Variants in PCSK6 observed in about 807,000 individuals in gnomAD.
The protein encoded by PCSK6 is paired basic amino acid cleaving enzyme 4.
A neutral mutation model predicts 123.3 loss-of-function variants in PCSK6; 85 were observed. The ratio of observed to expected loss-of-function variants is 0.69; its 90% CI spans 0.58 to 0.83. The LOEUF (loss-of-function observed/expected upper bound fraction) is 0.83, where lower values mean the gene tolerates loss of function less well. Ranked by LOEUF, PCSK6 falls within the 40% of genes least tolerant of loss-of-function variation. The pLI, the probability that PCSK6 is intolerant of heterozygous loss-of-function variation, is 0.00. For missense variants in PCSK6, 1,191 were observed against 1,282.3 expected (o/e 0.93, Z 1.09); for synonymous variants, 508 against 516.0 (o/e 0.98, Z 0.21).
chr15:101,444,467 T>C lies in PCSK6; in HGVS notation c.298-807A>G, dbSNP rs137982886. Among the ~76,000 whole-genome samples the C allele has an allele frequency of 2.9e-3, 448 of 152,338 alleles. 5 individuals carry two copies. In the East Asian group the frequency reaches 0.03, roughly 10 times the overall value. The stretch of plus-strand genomic sequence containing the variant: ...TAAAATCAAGATGGACTGGATATCA[T>C]ACAGACCCTCAGGTTGATCTTCTCA... On this transcript the variant is annotated intron_variant, in intron 1 of 21. Coordinates refer to ENST00000611716, the MANE Select transcript of PCSK6 (RefSeq NM_002570.5).
intron 6 of PCSK6, among the ~76,000 whole-genome samples, chr15:101,415,303 A>G (rs1428908112): frequency 1.3e-5 from 2 of 152,248 alleles, no homozygotes; most frequent in Non-Finnish European, 2.9e-5. Context: ...TGGCTGAAGC[A>G]GCCAGGTCTG....
At chr15:101,454,422 C>T (rs1003636248) in intron 1 of PCSK6, among the ~76,000 whole-genome samples, 11 of 152,038 alleles carry the variant, frequency 7.2e-5, no homozygotes, top group African/African-American at 2.4e-4. Context: ...CAGGGACACA[C>T]GATGGAATAT....
Position 101,313,593 on chromosome 15 carries a change from G to C in PCSK6, c.2570-88C>G. On this transcript the variant is annotated intron_variant, in intron 19 of 21. Transcript: ENST00000611716. ...CTGCTTCAGGGCCTTGTGAGATCAG[G>C]GGTACCATTCAGGAGCCCCCAGGCC... The C allele has an allele frequency of 2.0e-6, 3 of 1,512,874 alleles. No individual in the cohort carries two copies. The South Asian group carries it at 3.9e-5, about 20-fold the overall frequency. The allele number at this position is 1,512,874 out of a possible 1,614,324, so 93.7% of individuals were successfully genotyped here. A position where few individuals can be genotyped will look rare whatever the true frequency, so the allele number is the denominator to read the frequency against.
intron 18 of PCSK6, among the ~76,000 whole-genome samples, chr15:101,319,666 G>A (rs928134960): frequency 6.6e-6 from 1 of 152,114 alleles, no homozygotes; most frequent in Non-Finnish European, 1.5e-5. Context: ...AATCAATCAT[G>A]GCTATGTAAC....
Position 101,340,799 on chromosome 15 carries a change from T to C in PCSK6, c.1859-8768A>G, listed in dbSNP as rs1305164374. Among the ~76,000 whole-genome samples the C allele has an allele frequency of 2.6e-5, 4 of 151,984 alleles. No homozygotes were observed. The East Asian group carries it at 5.8e-4, about 22-fold the overall frequency. On this transcript the variant is annotated intron_variant, in intron 13 of 21. Transcript: ENST00000611716. Reference sequence around the variant, plus strand: ...CCTCCCAATGTTCTAACAAAATTTCTTACTGGGTCCAATATTTATTGTCTT... The same window carrying C: ...CCTCCCAATGTTCTAACAAAATTTCCTACTGGGTCCAATATTTATTGTCTT...
chr15:101,427,943 C>A lies in PCSK6; in HGVS notation c.772G>T (p.Ala258Ser). The change falls in exon 6 of 22, where the codon GCA becomes TCA. Residue 258 changes from alanine (A) to serine (S), a missense_variant. By Grantham distance (99) the Ala-to-Ser change is moderately conservative. This residue lies in a region of PCSK6 where 357 missense variants were observed against 484.5 expected (regional missense o/e 0.74). Coordinates refer to ENST00000611716, the MANE Select transcript of PCSK6 (RefSeq NM_002570.5). ...TRCAGEVAAS[A>S]NNSYCIVGIA... is the part of the protein sequence containing the mutation. ...CCCACGATGCAGTAGGAATTGTTTGCTGAAGCAGCAACTTCTCCCGCACAA... is the reference window on the plus strand; with the variant it reads ...CCCACGATGCAGTAGGAATTGTTTGATGAAGCAGCAACTTCTCCCGCACAA... 1 of 1,588,494 alleles carries A rather than the reference C, an allele frequency of 6.3e-7. No individual in the cohort carries two copies. Among genetic ancestry groups the A allele is most frequent in the East Asian group, 2.3e-5 (1 of 43,860 alleles).
At chr15:101,387,430 G>A (rs889836284) in intron 9 of PCSK6, among the ~76,000 whole-genome samples, 3 of 152,250 alleles carry the variant, frequency 2.0e-5, no homozygotes, top group African/African-American at 7.2e-5. Context: ...TAGGTGCCGG[G>A]ATGACCTTTG....
intron 12 of PCSK6, among the ~76,000 whole-genome samples, chr15:101,369,845 G>A (rs1009004627): frequency 4.1e-4 from 63 of 152,160 alleles, no homozygotes; most frequent in Non-Finnish European, 8.1e-4. Flanking sequence ...CATACCACCC[G>A]AGCCTGTCTG....
In PCSK6 at chr15:101,332,640, G is replaced by C. The variant is rs917792107; in HGVS notation, c.1859-609C>G. ...AAAAACCCAAATGTCTGCAGAAGCT[G>C]GGTGGAGGAAGAACATCTTTGAAAG... On this transcript the variant is annotated intron_variant, in intron 13 of 21. Coordinates refer to ENST00000611716, the MANE Select transcript of PCSK6 (RefSeq NM_002570.5). 5.3e-5 allele frequency among the ~76,000 whole-genome samples: 8 copies of C among 152,242 alleles called. No homozygotes were observed. The South Asian group carries it at 1.4e-3, about 28-fold the overall frequency.
intron 15 of PCSK6, among the ~76,000 whole-genome samples, chr15:101,328,198 A>C (rs889167429): frequency 6.6e-6 from 1 of 152,158 alleles, no homozygotes; most frequent in Non-Finnish European, 1.5e-5. Context: ...TGTCGTGGTG[A>C]CTTGAGGACT....
At chr15:101,380,356 G>A (rs1048771137) in intron 11 of PCSK6, among the ~76,000 whole-genome samples, 1 of 152,214 alleles carries the variant, frequency 6.6e-6, no homozygotes, top group African/African-American at 2.4e-5. Flanking sequence ...GAGGCGCCGG[G>A]GCAGAGGGCA....
chr15:101,413,092 C>T (rs1350737044), intron 6 of PCSK6, among the ~76,000 whole-genome samples: 5 of 151,970 alleles, frequency 3.3e-5, no homozygotes, highest in East Asian at 3.9e-4. Context: ...AATGGCTAAA[C>T]GCTCTCCAAA....
intron 11 of PCSK6, among the ~76,000 whole-genome samples, 178 bp from the exon 12 acceptor site, chr15:101,370,701 C>T (rs1003944948): frequency 6.6e-6 from 1 of 152,272 alleles, no homozygotes; most frequent in African/African-American, 2.4e-5. Flanking sequence ...TGAACTTTAT[C>T]ACCTGTCCTG....
chr15:101,385,771 C>A (rs1205783179), intron 9 of PCSK6, among the ~76,000 whole-genome samples: 1 of 152,136 alleles, frequency 6.6e-6, no homozygotes, highest in Non-Finnish European at 1.5e-5. Context: ...AAAGATAACA[C>A]CTACATGTGA....
intron 12 of PCSK6, among the ~76,000 whole-genome samples, chr15:101,369,017 G>A (rs116423261): frequency 6.6e-6 from 1 of 152,136 alleles, no homozygotes; most frequent in East Asian, 1.9e-4. Context: ...GGAGGGAGAG[G>A]TGCCCCTGTG....
chr15:101,394,140 T>TG (rs1035928073), intron 7 of PCSK6, among the ~76,000 whole-genome samples: 1 of 80,952 alleles, frequency 1.2e-5, no homozygotes, highest in Non-Finnish European at 2.7e-5. Flanking sequence ...TTTTTTTGTT[T>TG]TTTGTTTTTT....
At chr15:101,441,985 T>G (rs1205894211) in intron 2 of PCSK6, among the ~76,000 whole-genome samples, 1 of 152,224 alleles carries the variant, frequency 6.6e-6, no homozygotes, top group East Asian at 1.9e-4. Context: ...GATCAGCCTA[T>G]GCACCCTGTA....
chr15:101,321,060 C>T (rs2040110704), intron 18 of PCSK6, among the ~76,000 whole-genome samples: 1 of 152,192 alleles, frequency 6.6e-6, no homozygotes, highest in South Asian at 2.1e-4. Flanking sequence ...TTCCAGGGAG[C>T]TGGGAACACA....
At chr15:101,471,473 A>G (rs1225684996) in intron 1 of PCSK6, among the ~76,000 whole-genome samples, 4 of 152,230 alleles carry the variant, frequency 2.6e-5, no homozygotes, top group Non-Finnish European at 5.9e-5. Flanking sequence ...ATATTCACTA[A>G]AATCACTTGA....
Sources: allele counts gnomAD v4.1 joint callset (sites outside exome capture counted in the v4.1 genomes callset), GRCh38; gene constraint gnomAD v4.1.1; regional missense constraint gnomAD v4.1.1; transcripts MANE v1.5; gene names NCBI Gene and HGNC (gene_info 2026-07-23, HGNC 2026-07-21).